MARK3: variants seen among roughly 807,000 people sequenced by gnomAD.
MARK3 encodes the protein MAP/microtubule affinity-regulating kinase 3.
MARK3 carries 46 observed loss-of-function variants against 90.1 expected under a neutral mutation model. The observed-to-expected ratio is 0.51, with a 90% CI of 0.40 to 0.65. MARK3 has a LOEUF of 0.65. Among genes scored for constraint, MARK3 ranks in the 30% least tolerant of loss-of-function variants. MARK3 has a pLI of 0.00. For missense variants in MARK3, 818 were observed against 947.2 expected, an observed-to-expected ratio of 0.86 and a Z score of 1.79; for synonymous variants, 321 against 332.6, an observed-to-expected ratio of 0.97 and a Z score of 0.38.
chr14:103,452,471 C>CCTTTTTTTTTTTTTTT (rs2093170016), intron 5 of MARK3, among the ~76,000 whole-genome samples: 1 of 97,472 alleles, frequency 1.0e-5, no homozygotes, highest in African/African-American at 3.2e-5. Context: ...CAGGATTTGT[C>CCTTTTTTTTTTTTTTT]TTTTTTTTTT....
intron 12 of MARK3, among the ~76,000 whole-genome samples, chr14:103,471,627 G>A (rs919868570): frequency 6.6e-6 from 1 of 152,096 alleles, no homozygotes; most frequent in Non-Finnish European, 1.5e-5. Flanking sequence ...CTTGCCTGTG[G>A]ATGCTGACCT....
At chr14:103,425,524 T>G (rs560722370) in intron 2 of MARK3, among the ~76,000 whole-genome samples, 3 of 152,164 alleles carry the variant, frequency 2.0e-5, no homozygotes, top group Non-Finnish European at 4.4e-5. Flanking sequence ...CCCAAAGTGC[T>G]GGGATTACAG....
At chr14:103,500,316 A>G in intron 17 of MARK3, 116 bp downstream of exon 17, 3 of 772,242 alleles carry the variant, frequency 3.9e-6, no homozygotes, top group Non-Finnish European at 6.1e-6. Context: ...TGTAGGAGTT[A>G]CGTAGAGAGG....
intron 15 of MARK3, among the ~76,000 whole-genome samples, chr14:103,497,610 G>C (rs1449027273): frequency 6.6e-6 from 1 of 152,014 alleles, no homozygotes; most frequent in Non-Finnish European, 1.5e-5. Flanking sequence ...TTGACACTTA[G>C]TTTTTATTCA....
chr14:103,445,365 C>T (rs1161090451), intron 3 of MARK3, among the ~76,000 whole-genome samples: 1 of 152,212 alleles, frequency 6.6e-6, no homozygotes, highest in Non-Finnish European at 1.5e-5. Context: ...CCTGCTTCCT[C>T]CCTGTCCTGC....
chr14:103,459,424 A>C lies in MARK3; in HGVS notation c.483+2212A>C, dbSNP rs531155922. 2.0e-5 allele frequency among the ~76,000 whole-genome samples: 3 copies of C among 152,294 alleles called. No homozygotes were observed. In the South Asian group the frequency reaches 6.2e-4, roughly 32 times the overall value. The stretch of plus-strand genomic sequence containing the variant: ...ACCCTTTCTTCCATGGTATTTGCCT[A>C]AAACAGCTCCATTAGACTTGGAAGG... On this transcript the variant is annotated intron_variant, in intron 6 of 17. Transcript: ENST00000429436.
chr14:103,398,792 A>G (rs1035718304), intron 1 of MARK3, among the ~76,000 whole-genome samples: 2 of 152,192 alleles, frequency 1.3e-5, no homozygotes, highest in African/African-American at 4.8e-5. Context: ...CTAAAGTACA[A>G]AATACTTGGA....
chr14:103,402,910 G>C (rs1005633127), intron 1 of MARK3, among the ~76,000 whole-genome samples: 4 of 151,922 alleles, frequency 2.6e-5, no homozygotes, highest in Non-Finnish European at 5.9e-5. Flanking sequence ...ACTGGTCTTA[G>C]AGTCAGCAAC....
chr14:103,430,276 G>A (rs2092540917), intron 3 of MARK3, among the ~76,000 whole-genome samples: 1 of 152,112 alleles, frequency 6.6e-6, no homozygotes, highest in African/African-American at 2.4e-5. Flanking sequence ...TTAAAATTGT[G>A]TATATAACTT....
intron 1 of MARK3, among the ~76,000 whole-genome samples, chr14:103,393,726 A>G (rs34251103): frequency 0.34 from 50,876 of 151,636 alleles, 8,924 homozygotes; most frequent in East Asian, 0.5. Context: ...AATATTAACT[A>G]TTTGATTGCA....
At chr14:103,408,181 T>C (rs1367637772) in intron 2 of MARK3, among the ~76,000 whole-genome samples, 1 of 151,988 alleles carries the variant, frequency 6.6e-6, no homozygotes, top group Non-Finnish European at 1.5e-5. Flanking sequence ...ATAATACTGT[T>C]TTTTGGCGGG....
At chr14:103,452,339 G>A (rs980183789) in intron 5 of MARK3, among the ~76,000 whole-genome samples, 4 of 151,788 alleles carry the variant, frequency 2.6e-5, no homozygotes, top group Non-Finnish European at 5.9e-5. Context: ...TTTCTAACAC[G>A]AAACTCTATA....
intron 1 of MARK3, among the ~76,000 whole-genome samples, chr14:103,401,488 T>G (rs1234733498): frequency 6.6e-6 from 1 of 152,214 alleles, no homozygotes; most frequent in African/African-American, 2.4e-5. Flanking sequence ...GAGGGCTCAT[T>G]GGCTCCGTGG....
In MARK3 at chr14:103,466,426, A is replaced by G; in HGVS notation, c.981A>G (p.Ser327=). The G allele has an allele frequency of 2.5e-6, 4 of 1,597,246 alleles. No individual in the cohort carries two copies. In the South Asian group the frequency reaches 4.4e-5, roughly 18 times the overall value. The change falls in exon 10 of 18, where the codon TCA becomes TCG. Residue 327 remains serine, a synonymous_variant. Transcript: ENST00000429436. ...TTGTTGAACCAGAGCTAGACATCTC[A>G]GACCAAAAAAGAATAGGTAATCACT... ...KPFVEPELDI[S]DQKRIDIMVG...
Position 103,446,710 on chromosome 14 carries a change from C to CTTTTTTTTTT in MARK3, c.298-2193_298-2184dup, listed in dbSNP as rs746523547. ...TGGCATCCAAAGTGGAGATTGTTGT[C>CTTTTTTTTTT]TTTTTTTTTTTTTTTTTTTTTTTTT... On this transcript the variant is annotated intron_variant, in intron 3 of 17. Transcript: ENST00000429436. 7.1e-5 allele frequency among the ~76,000 whole-genome samples: 7 copies of CTTTTTTTTTT among 98,048 alleles called. 1 individual carries two copies. The highest frequency in any genetic ancestry group is 3.2e-4 in the African/African-American group (6 of 18,796). The allele number at this position is 98,048 out of a possible 152,430, so 64.3% of individuals were successfully genotyped here. A position where few individuals can be genotyped will look rare whatever the true frequency, so the allele number is the denominator to read the frequency against.
intron 14 of MARK3, among the ~76,000 whole-genome samples, chr14:103,482,154 C>T (rs1411359448): frequency 6.6e-6 from 1 of 151,962 alleles, no homozygotes; most frequent in Non-Finnish European, 1.5e-5. Context: ...TCAAAAGTGA[C>T]TTAATAGAAA....
intron 2 of MARK3, among the ~76,000 whole-genome samples, chr14:103,416,285 A>G (rs1002265940): frequency 2.0e-5 from 3 of 152,240 alleles, no homozygotes; most frequent in East Asian, 1.9e-4. Flanking sequence ...GATAAGTGGG[A>G]TGGTAGCTAC....
intron 1 of MARK3, among the ~76,000 whole-genome samples, chr14:103,403,358 G>A (rs1174186728): frequency 1.3e-5 from 2 of 151,156 alleles, no homozygotes; most frequent in Non-Finnish European, 2.9e-5. Context: ...GTGTGTGTGT[G>A]TGTGTGTGTG....
At position 103,478,803 on chromosome 14, in the gene MARK3, C is replaced by T. The variant is rs111236242; in HGVS notation, c.1483-1584C>T. Among the ~76,000 whole-genome samples the T allele has an allele frequency of 1.4e-3, 206 of 151,898 alleles. 1 individual carries two copies. Among genetic ancestry groups the T allele is most frequent in the African/African-American group, 4.8e-3 (197 of 41,428 alleles). On this transcript the variant is annotated intron_variant, in intron 13 of 17. Transcript: ENST00000429436. ...ATCCACCCGCCTCGGCCTCCCAAAGCGCTGGGATTACAGGCGTGAGCCACT... is the reference window on the plus strand; with the variant it reads ...ATCCACCCGCCTCGGCCTCCCAAAGTGCTGGGATTACAGGCGTGAGCCACT...
Sources: gnomAD v4.1 joint callset for allele counts (sites outside exome capture counted in the v4.1 genomes callset) on GRCh38, gnomAD v4.1.1 for gene constraint, MANE v1.5 for transcripts, NCBI Gene and HGNC (gene_info 2026-07-23, HGNC 2026-07-21) for gene names.